ZNF385D: variants seen among roughly 807,000 people sequenced by gnomAD.
The protein encoded by ZNF385D is zinc finger protein 659.
In ZNF385D, 15 loss-of-function variants were observed where a neutral mutation model predicts 35.8. That is an observed-to-expected ratio of 0.42 (90% CI 0.28 to 0.64). The LOEUF (loss-of-function observed/expected upper bound fraction) is 0.64. Ranked by LOEUF, ZNF385D falls within the 30% of genes least tolerant of loss-of-function variation. ZNF385D has a pLI of 0.23. For missense variants in ZNF385D, 474 were observed against 494.6 expected, an observed-to-expected ratio of 0.96 and a Z score of 0.39; for synonymous variants, 212 against 186.8, an observed-to-expected ratio of 1.13 and a Z score of -1.10.
chr3:21,639,080 A>G (rs543248225), intron 2 of ZNF385D, among the ~76,000 whole-genome samples: 17 of 152,140 alleles, frequency 1.1e-4, no homozygotes, highest in Non-Finnish European at 1.5e-4. Context: ...TGACTTATCT[A>G]GAATTTCAGA....
At chr3:21,911,626 T>G (rs1377226308) in intron 3 of ZNF385D, among the ~76,000 whole-genome samples, 1 of 152,032 alleles carries the variant, frequency 6.6e-6, no homozygotes, top group South Asian at 2.1e-4. Context: ...CATTTTACCA[T>G]TTTTATTGAG....
At chr3:22,145,973 C>T (rs1704826879) in intron 3 of ZNF385D, among the ~76,000 whole-genome samples, 1 of 151,930 alleles carries the variant, frequency 6.6e-6, no homozygotes, top group African/African-American at 2.4e-5. Flanking sequence ...CAACAGGATT[C>T]AAGCCAATGC....
chr3:22,191,939 A>C (rs538804270), intron 2 of ZNF385D, among the ~76,000 whole-genome samples: 1 of 152,262 alleles, frequency 6.6e-6, no homozygotes, highest in African/African-American at 2.4e-5. Context: ...TTCCAGATTC[A>C]TCTAACAAAG....
intron 2 of ZNF385D, among the ~76,000 whole-genome samples, chr3:22,248,696 G>A (rs767553747): frequency 6.6e-6 from 1 of 152,076 alleles, no homozygotes; most frequent in Non-Finnish European, 1.5e-5. Context: ...TATCTTTCGT[G>A]ATTTTAAAAT....
chr3:21,974,208 A>G lies in ZNF385D; in HGVS notation c.325+194609T>C, dbSNP rs114042715. Among the ~76,000 whole-genome samples, 744 of 152,222 alleles carry G rather than the reference A, an allele frequency of 4.9e-3. 8 individuals are homozygous for G. The highest frequency in any genetic ancestry group is 0.017 in the African/African-American group (709 of 41,544). ...GATAATGTAAGGAAAACAGTATGGT[A>G]CTGGCATATAAACAGACATATAGAC... On this transcript the variant is annotated intron_variant, in intron 3 of 5. Coordinates refer to the ZNF385D transcript ENST00000494108.
At chr3:22,164,825 G>T (rs1458524182) in intron 3 of ZNF385D, among the ~76,000 whole-genome samples, 1 of 152,152 alleles carries the variant, frequency 6.6e-6, no homozygotes, top group Admixed American at 6.5e-5. Flanking sequence ...AAGCAGGATA[G>T]TTCGATGCTA....
At chr3:21,737,961 C>T (rs955759201) in intron 1 of ZNF385D, among the ~76,000 whole-genome samples, 6 of 152,176 alleles carry the variant, frequency 3.9e-5, no homozygotes, top group Admixed American at 2.0e-4. Context: ...CTGTGATTAG[C>T]GTTATGTGTA....
At chr3:22,161,115 A>G (rs1054241964) in intron 3 of ZNF385D, among the ~76,000 whole-genome samples, 8 of 152,090 alleles carry the variant, frequency 5.3e-5, no homozygotes, top group African/African-American at 1.7e-4. Context: ...ATATCACATA[A>G]TTAGAAAACA....
chr3:21,813,640 G>C (rs1301576680), intron 3 of ZNF385D, among the ~76,000 whole-genome samples: 2 of 152,180 alleles, frequency 1.3e-5, no homozygotes, highest in Admixed American at 6.5e-5. Flanking sequence ...AGTGAGAAGA[G>C]AAGTTTAGAG....
intron 2 of ZNF385D, among the ~76,000 whole-genome samples, chr3:22,182,011 G>T (rs888845374): frequency 2.0e-5 from 3 of 152,124 alleles, no homozygotes; most frequent in Non-Finnish European, 4.4e-5. Flanking sequence ...TGAGGAGGTG[G>T]TTCCTTCCCC....
At chr3:21,628,972 A>ATT (rs1397198953) in intron 2 of ZNF385D, among the ~76,000 whole-genome samples, 1 of 152,068 alleles carries the variant, frequency 6.6e-6, no homozygotes, top group African/African-American at 2.4e-5. Flanking sequence ...GGAAATGACT[A>ATT]TTAAGGGCAA....
chr3:21,659,814 G>A (rs904610924), intron 2 of ZNF385D, among the ~76,000 whole-genome samples: 1 of 152,032 alleles, frequency 6.6e-6, no homozygotes, highest in African/African-American at 2.4e-5. Flanking sequence ...TGTAAAAATT[G>A]TTCAATGTAT....
chr3:21,744,978 G>C (rs561985705), intron 1 of ZNF385D, among the ~76,000 whole-genome samples: 1 of 152,240 alleles, frequency 6.6e-6, no homozygotes, highest in South Asian at 2.1e-4. Flanking sequence ...GGAGGAAGTG[G>C]ATTCCCTTCC....
At chr3:21,877,215 G>A (rs1466329290) in intron 3 of ZNF385D, among the ~76,000 whole-genome samples, 2 of 152,002 alleles carry the variant, frequency 1.3e-5, no homozygotes, top group Non-Finnish European at 2.9e-5. Context: ...ATAGGAATGG[G>A]CATTTTCATA....
At chr3:22,135,586 T>C (rs940988489) in intron 3 of ZNF385D, among the ~76,000 whole-genome samples, 1 of 152,148 alleles carries the variant, frequency 6.6e-6, no homozygotes, top group Non-Finnish European at 1.5e-5. Flanking sequence ...TGCATTCTTA[T>C]CCAAATCCCA....
intron 1 of ZNF385D, among the ~76,000 whole-genome samples, chr3:21,728,402 A>G (rs2068856307): frequency 6.6e-6 from 1 of 152,150 alleles, no homozygotes. Context: ...TTAACGTTTT[A>G]CCAGAACACA....
chr3:22,273,016 A>C (rs907369737), intron 2 of ZNF385D, among the ~76,000 whole-genome samples: 1 of 151,894 alleles, frequency 6.6e-6, no homozygotes, highest in African/African-American at 2.4e-5. Flanking sequence ...CTTTTATGCT[A>C]TAACTAGGAT....
At chr3:22,208,708 A>G (rs959435919) in intron 2 of ZNF385D, among the ~76,000 whole-genome samples, 3 of 113,146 alleles carry the variant, frequency 2.7e-5, no homozygotes, top group African/African-American at 1.4e-4. Flanking sequence ...ACCCACAAAA[A>G]GTAAAAATTA....
At chr3:21,805,783 C>T (rs1010603183) in intron 3 of ZNF385D, among the ~76,000 whole-genome samples, 17 of 152,134 alleles carry the variant, frequency 1.1e-4, no homozygotes, top group African/African-American at 3.9e-4. Context: ...AGCAGTGAAA[C>T]GGTCATAATG....
Sources: gnomAD v4.1 joint callset for allele counts (sites outside exome capture counted in the v4.1 genomes callset) on GRCh38, gnomAD v4.1.1 for gene constraint, MANE v1.5 for transcripts, NCBI Gene and HGNC (gene_info 2026-07-23, HGNC 2026-07-21) for gene names.